PGAP4: variants seen among roughly 807,000 people sequenced by gnomAD.
PGAP4 encodes GPI-N-acetylgalactosamine transferase PGAP4.
Under a neutral mutation model 28.2 loss-of-function variants are expected in PGAP4, and 12 were observed. The ratio of observed to expected loss-of-function variants is 0.42; its 90% confidence interval spans 0.27 to 0.69. PGAP4 has a LOEUF of 0.69. Ranked by LOEUF, PGAP4 falls within the 30% of genes least tolerant of loss-of-function variation. PGAP4 has a pLI of 0.22. For synonymous variants in PGAP4, 205 were observed against 211.8 expected (o/e 0.97, Z 0.28); for missense variants, 425 against 513.5 (o/e 0.83, Z 1.67).
chr9:101,496,017 T>G (rs746644148), intron 2 of PGAP4, among the ~76,000 whole-genome samples: 1 of 151,448 alleles, frequency 6.6e-6, no homozygotes, highest in Non-Finnish European at 1.5e-5. Context: ...TATAGAGGAA[T>G]GTAAACAGGA....
intron 1 of PGAP4, chr9:101,481,359 C>T (rs1003140228): frequency 2.0e-5 from 3 of 152,306 alleles, no homozygotes; most frequent in Non-Finnish European, 4.4e-5. Flanking sequence ...TTGTCTTTTT[C>T]CAGAATTCCA....
In PGAP4 at chr9:101,475,953, C is replaced by G. The variant is rs1826288954; in HGVS notation, c.1140G>C (p.Val380=). 6.2e-7 allele frequency: 1 copy of G among 1,614,108 alleles called. No individual in the cohort carries two copies. The highest frequency in any genetic ancestry group is 8.5e-7 in the Non-Finnish European group (1 of 1,180,048). ...LRAKGERAYV[V]EPNLVKHIGL... is the part of the protein sequence containing the mutation. ...CGATGTGTTTCACGAGGTTCGGCTC[C>G]ACTACATAGGCCCTCTCTCCCTTGG... Residue 380 remains valine, a synonymous_variant, in exon 2 of 2, where the codon GTG becomes GTC. Transcript: ENST00000374848.
At chr9:101,500,127 A>G (rs945167653) in intron 2 of PGAP4, among the ~76,000 whole-genome samples, 1 of 152,028 alleles carries the variant, frequency 6.6e-6, no homozygotes, top group Non-Finnish European at 1.5e-5. Flanking sequence ...TTAATCTGGA[A>G]CTGTTTCTTG....
chr9:101,491,844 T>TATATATATAC (rs948714323), upstream of PGAP4, among the ~76,000 whole-genome samples: 1 of 137,084 alleles, frequency 7.3e-6, no homozygotes, highest in Non-Finnish European at 1.6e-5. Context: ...TATATATATA[T>TATATATATAC]ATATTCTTTT....
rs117365886 is a variant in PGAP4 at position 101,508,609 on chromosome 9, C to T, written c.-164-19409G>A. Among the ~76,000 whole-genome samples, 567 of 152,258 alleles carry T rather than the reference C, an allele frequency of 3.7e-3. 3 individuals are homozygous for T. Among genetic ancestry groups the T allele is most frequent in the East Asian group, 0.015 (76 of 5,172 alleles). ...AAAGAAAAACTATAAAGCAACGGTC[C>T]TCAACCTTTTTGGTGACTGGCTTCG... On this transcript the variant is annotated intron_variant, in intron 2 of 3. Transcript: ENST00000374851.
intron 2 of PGAP4, among the ~76,000 whole-genome samples, chr9:101,496,434 G>A (rs985642734): frequency 6.6e-6 from 1 of 151,338 alleles, no homozygotes; most frequent in Non-Finnish European, 1.5e-5. Flanking sequence ...ATCAAAACTT[G>A]TAATTTTAGT....
intron 2 of PGAP4, among the ~76,000 whole-genome samples, chr9:101,499,224 C>G (rs1826777025): frequency 6.6e-6 from 1 of 151,880 alleles, no homozygotes; most frequent in African/African-American, 2.4e-5. Context: ...AAGCCCCTGT[C>G]GAAAGGAGAG....
intron 2 of PGAP4, among the ~76,000 whole-genome samples, chr9:101,526,032 C>T (rs1415122814): frequency 1.3e-5 from 2 of 151,266 alleles, no homozygotes; most frequent in African/African-American, 4.9e-5. Flanking sequence ...ATAGTTTAGG[C>T]TTTTGGTACA....
At chr9:101,531,213 C>CACAT (rs1554711059) in intron 2 of PGAP4, 1 of 151,886 alleles carries the variant, frequency 6.6e-6, no homozygotes, top group Non-Finnish European at 1.5e-5. Context: ...CACACACACA[C>CACAT]ACACACACAC....
chr9:101,485,339 G>T (rs1378583816), intron 1 of PGAP4, among the ~76,000 whole-genome samples: 1 of 151,756 alleles, frequency 6.6e-6, no homozygotes, highest in African/African-American at 2.4e-5. Context: ...TATATATTTC[G>T]ATGAGTTTTG....
At chr9:101,520,456 ATTTTAT>A (rs1248385925) in intron 2 of PGAP4, among the ~76,000 whole-genome samples, 3 of 151,942 alleles carry the variant, frequency 2.0e-5, no homozygotes, top group Non-Finnish European at 4.4e-5. Context: ...TAAGTATTTT[ATTTTAT>A]TTTTATTTTT....
chr9:101,529,566 CT>C (rs1827068564), intron 2 of PGAP4, among the ~76,000 whole-genome samples: 1 of 152,228 alleles, frequency 6.6e-6, no homozygotes, highest in South Asian at 2.1e-4. Flanking sequence ...TGTCCTCACT[CT>C]TTAAAAAAGG....
At chr9:101,526,980 T>C (rs1352882805) in intron 2 of PGAP4, among the ~76,000 whole-genome samples, 2 of 152,256 alleles carry the variant, frequency 1.3e-5, no homozygotes, top group Non-Finnish European at 2.9e-5. Context: ...CTCATGTGTC[T>C]CCTGTTTTAT....
At chr9:101,520,109 G>A (rs1826976996) in intron 2 of PGAP4, among the ~76,000 whole-genome samples, 1 of 152,094 alleles carries the variant, frequency 6.6e-6, no homozygotes, top group Non-Finnish European at 1.5e-5. Context: ...TGCTGTTTTG[G>A]TGACTATGGC....
rs1052189604 is a variant in PGAP4, at chr9:101,513,951, A to G, written c.-165+17397T>C. On this transcript the variant is annotated intron_variant, in intron 2 of 3. Coordinates refer to the PGAP4 transcript ENST00000374851. Reference sequence around the variant, plus strand: ...GGAGAGCCTGGAGTTCTGATGTCCAAGGGCAGGAGGAGACTGTCTCAGCTC... The same window carrying G: ...GGAGAGCCTGGAGTTCTGATGTCCAGGGGCAGGAGGAGACTGTCTCAGCTC... 3.3e-5 allele frequency among the ~76,000 whole-genome samples: 5 copies of G among 152,070 alleles called. No homozygotes were observed. The East Asian group carries it at 9.7e-4, about 29-fold the overall frequency.
At chr9:101,526,794 C>T (rs1267745977) in intron 2 of PGAP4, among the ~76,000 whole-genome samples, 3 of 152,166 alleles carry the variant, frequency 2.0e-5, no homozygotes, top group African/African-American at 7.2e-5. Flanking sequence ...GCAAATGAAT[C>T]CAGCTTCTAG....
chr9:101,527,372 C>T (rs1234218653), intron 2 of PGAP4, among the ~76,000 whole-genome samples: 1 of 152,148 alleles, frequency 6.6e-6, no homozygotes, highest in African/African-American at 2.4e-5. Flanking sequence ...CTGAATTTGG[C>T]CATATGCCTT....
rs1827079250 is a variant in PGAP4, at chr9:101,530,518, AT to A, written c.-165+829del. Reference sequence around the variant, plus strand: ...TAAAATATTAAGTATTCTTTTTATCATTGCTAATGCTGTTTTCCCATTTATA... The same window carrying A: ...TAAAATATTAAGTATTCTTTTTATCATGCTAATGCTGTTTTCCCATTTATA... On this transcript the variant is annotated intron_variant, in intron 2 of 3. Coordinates refer to the PGAP4 transcript ENST00000374851. Among the ~76,000 whole-genome samples, 3 of 152,256 alleles carry A rather than the reference AT, an allele frequency of 2.0e-5. No individual in the cohort carries two copies. The South Asian group carries it at 6.2e-4, about 32-fold the overall frequency.
At chr9:101,511,536 G>T (rs993668455) in intron 2 of PGAP4, among the ~76,000 whole-genome samples, 3 of 152,126 alleles carry the variant, frequency 2.0e-5, no homozygotes, top group Admixed American at 2.0e-4. Context: ...TCCTAACTGT[G>T]GGAAAATGAA....
Sources: allele counts gnomAD v4.1 joint callset (sites outside exome capture counted in the v4.1 genomes callset), GRCh38; gene constraint gnomAD v4.1.1; transcripts MANE v1.5; gene names NCBI Gene and HGNC (gene_info 2026-07-23, HGNC 2026-07-21).